Variants in VANGL1 observed in about 807,000 individuals in gnomAD.
VANGL1 encodes the protein VANGL planar cell polarity protein 1.
VANGL1 carries 18 observed loss-of-function variants against 48.4 expected under a neutral mutation model. That is an observed-to-expected ratio of 0.37 (90% CI 0.26 to 0.55). The LOEUF (loss-of-function observed/expected upper bound fraction) is 0.55. VANGL1 is among the 20% of genes least tolerant of loss of function. The pLI, the probability that VANGL1 is intolerant of heterozygous loss-of-function variation, is 0.81. For missense variants in VANGL1, 667 were observed against 675.8 expected, an observed-to-expected ratio of 0.99 and a Z score of 0.14; for synonymous variants, 257 against 261.8, an observed-to-expected ratio of 0.98 and a Z score of 0.18.
At chr1:115,678,436 C>G (rs1653249055) in intron 4 of VANGL1, among the ~76,000 whole-genome samples, 1 of 152,168 alleles carries the variant, frequency 6.6e-6, no homozygotes, top group African/African-American at 2.4e-5. Flanking sequence ...TGACTGATAG[C>G]AGTAGTGAGG....
intron 7 of VANGL1, among the ~76,000 whole-genome samples, chr1:115,686,370 C>CAA (rs10667490): frequency 0.41 from 42,739 of 104,584 alleles, 8,622 homozygotes; most frequent in Admixed American, 0.46. Flanking sequence ...AGACTCCGTC[C>CAA]AAAAAAAAAA....
chr1:115,658,728 T>A (rs963793179), intron 2 of VANGL1, among the ~76,000 whole-genome samples: 2 of 152,156 alleles, frequency 1.3e-5, no homozygotes, highest in African/African-American at 4.8e-5. Flanking sequence ...CTGGGTTTCC[T>A]GTTGGCAGCT....
intron 7 of VANGL1, among the ~76,000 whole-genome samples, chr1:115,689,044 A>G (rs1200817018): frequency 2.2e-5 from 3 of 136,060 alleles, no homozygotes; most frequent in East Asian, 2.1e-4. Flanking sequence ...GCCTGCTTCA[A>G]CCTCCCAAAG....
chr1:115,692,930 GCACACCCC>G lies in VANGL1; in HGVS notation c.*1553_*1560del, dbSNP rs1363263012. ...ATTGTCGAATGCTCTTTGTATGTGT[GCACACCCC>G]CTTACTCCCTTACTGCTTCATACAC... On this transcript the variant is annotated 3_prime_UTR_variant, in exon 8 of 8. Transcript: ENST00000355485. 11 of 152,222 alleles carry G rather than the reference GCACACCCC, an allele frequency of 7.2e-5. No individual in the cohort carries two copies. Among genetic ancestry groups the G allele is most frequent in the African/African-American group, 2.7e-4 (11 of 41,450 alleles). The allele number at this position is 152,222 out of a possible 1,614,324, so 9.4% of individuals were successfully genotyped here.
At chr1:115,690,711 C>T (rs1159356800) in intron 7 of VANGL1, among the ~76,000 whole-genome samples, 2 of 152,188 alleles carry the variant, frequency 1.3e-5, no homozygotes, top group Non-Finnish European at 2.9e-5. Context: ...CTCCTTTGGG[C>T]CCGACACAGC....
Position 115,691,935 on chromosome 1 carries a change from A to G in VANGL1, c.*556A>G, listed in dbSNP as rs1002455966. The G allele has an allele frequency of 6.5e-6, 1 of 153,930 alleles. No individual in the cohort carries two copies. The highest frequency in any genetic ancestry group is 2.4e-5 in the African/African-American group (1 of 41,472). 9.5% of individuals were successfully genotyped at this position (153,930 alleles called of 1,614,324 possible). A position where few individuals can be genotyped will look rare whatever the true frequency, so the allele number is the denominator to read the frequency against. On this transcript the variant is annotated 3_prime_UTR_variant, in exon 8 of 8. Transcript: ENST00000355485. ...CTTCAGAGAAAGATCACAACAAAAA[A>G]TGTACACTGTCGTTTACAGCTATTA...
At chr1:115,661,987 A>G (rs901649360) in intron 3 of VANGL1, among the ~76,000 whole-genome samples, 2 of 152,188 alleles carry the variant, frequency 1.3e-5, no homozygotes, top group African/African-American at 4.8e-5. Flanking sequence ...AGCTAAGTGT[A>G]TATTTAGATT....
At position 115,651,449 on chromosome 1, in the gene VANGL1, C is replaced by T. The variant is rs371629555; in HGVS notation, c.36C>T (p.Tyr12=). The change falls in exon 2 of 8, where the codon TAC becomes TAT. Residue 12 remains tyrosine (Y), a synonymous_variant. Coordinates refer to ENST00000355485, the MANE Select transcript of VANGL1 (RefSeq NM_138959.3). ...AATCCACTTATTCTGGATATTCTTACTATTCAAGTCATTCGAAAAAATCTC... is the reference window on the plus strand; with the variant it reads ...AATCCACTTATTCTGGATATTCTTATTATTCAAGTCATTCGAAAAAATCTC... ...DTESTYSGYS[Y]YSSHSKKSHR... is the part of the protein sequence containing the mutation. 6.2e-7 allele frequency: 1 copy of T among 1,614,118 alleles called. No homozygotes were observed. The highest frequency in any genetic ancestry group is 8.5e-7 in the Non-Finnish European group (1 of 1,180,018).
At chr1:115,686,995 A>G (rs2101033769) in intron 7 of VANGL1, among the ~76,000 whole-genome samples, 1 of 134,196 alleles carries the variant, frequency 7.5e-6, no homozygotes, top group South Asian at 2.6e-4. Context: ...CATGTGTAAC[A>G]TTTGGTAGCT....
At chr1:115,681,941 C>T (rs762515392) in intron 4 of VANGL1, among the ~76,000 whole-genome samples, 1 of 152,214 alleles carries the variant, frequency 6.6e-6, no homozygotes, top group Non-Finnish European at 1.5e-5. Flanking sequence ...ACCTGAGAAA[C>T]CTGAATCTAT....
At chr1:115,687,685 G>C (rs1174783478) in intron 7 of VANGL1, among the ~76,000 whole-genome samples, 1 of 119,082 alleles carries the variant, frequency 8.4e-6, no homozygotes, top group Non-Finnish European at 1.7e-5. Context: ...ACAGAAATTG[G>C]GTCATTGCTC....
chr1:115,660,111 TAAG>T (rs1031626125), intron 3 of VANGL1, among the ~76,000 whole-genome samples: 74 of 152,156 alleles, frequency 4.9e-4, no homozygotes, highest in African/African-American at 1.7e-3. Context: ...TCAGAAAACC[TAAG>T]AAGTTTAAAA....
At position 115,696,527 on chromosome 1, in the gene VANGL1, A is replaced by G. The variant is rs985115586; in HGVS notation, c.*5148A>G. On this transcript the variant is annotated 3_prime_UTR_variant, in exon 8 of 8. Coordinates refer to ENST00000355485, the MANE Select transcript of VANGL1 (RefSeq NM_138959.3). ...CTGCTGTTTGCTTTCAATGGAAGACAGTAAAGGGAAGATGGTGCTCACATC... is the reference window on the plus strand; with the variant it reads ...CTGCTGTTTGCTTTCAATGGAAGACGGTAAAGGGAAGATGGTGCTCACATC... 1 of 152,244 alleles carries G rather than the reference A, an allele frequency of 6.6e-6. No homozygotes were observed. The highest frequency in any genetic ancestry group is 2.4e-5 in the African/African-American group (1 of 41,466). 9.4% of individuals were successfully genotyped at this position (152,244 alleles called of 1,614,324 possible).
chr1:115,680,816 G>A (rs1223074899), intron 4 of VANGL1, among the ~76,000 whole-genome samples: 1 of 152,182 alleles, frequency 6.6e-6, no homozygotes, highest in Admixed American at 6.5e-5. Context: ...GCCACCTGGA[G>A]AGTGTTGGAA....
At chr1:115,673,480 C>T (rs1373877347) in intron 4 of VANGL1, among the ~76,000 whole-genome samples, 1 of 152,004 alleles carries the variant, frequency 6.6e-6, no homozygotes, top group Non-Finnish European at 1.5e-5. Context: ...TTCCTTGCCT[C>T]TTCCTAGTTT....
At position 115,685,526 on chromosome 1, in the gene VANGL1, A is replaced by G; in HGVS notation, c.1313A>G (p.Lys438Arg). 1 of 1,613,946 alleles carries G rather than the reference A, an allele frequency of 6.2e-7. No homozygotes were observed. The highest frequency in any genetic ancestry group is 8.5e-7 in the Non-Finnish European group (1 of 1,179,990). Residue 438 changes from lysine to arginine, a missense_variant and splice_region_variant, in exon 7 of 8, where the codon AAG becomes AGG. Lys to Arg is a conservative substitution (Grantham distance 26, BLOSUM62 2). Coordinates refer to ENST00000355485, the MANE Select transcript of VANGL1 (RefSeq NM_138959.3). ...TGCATCACCAACGGCATGACCCCCA[A>G]GGTGCGCTGCTCCGGGCGGGCTCTG... Reference protein sequence around the residue: ...AFCITNGMTPKAFLERYLSAG... With the variant: ...AFCITNGMTPRAFLERYLSAG...
chr1:115,685,172 G>A, intron 6 of VANGL1, 121 bp from the exon 7 acceptor site: 4 of 1,006,014 alleles, frequency 4.0e-6, no homozygotes, highest in Non-Finnish European at 6.2e-6. Flanking sequence ...GATGCAAGCA[G>A]CGTGATTGGG....
rs189447791 is a variant in VANGL1, at chr1:115,654,488, T to A, written c.71+3004T>A. On this transcript the variant is annotated intron_variant, in intron 2 of 7. Coordinates refer to ENST00000355485, the MANE Select transcript of VANGL1 (RefSeq NM_138959.3). The stretch of plus-strand genomic sequence containing the variant: ...GGGAAGCCTGGTATTGACAAGGGAA[T>A]TGGTAGGGCTAAAAAAAAAAAAAAA... Among the ~76,000 whole-genome samples, 231 of 126,864 alleles carry A rather than the reference T, an allele frequency of 1.8e-3. 1 individual carries two copies. The highest frequency in any genetic ancestry group is 1.3e-3 in the Non-Finnish European group (82 of 64,564). The allele number at this position is 126,864 out of a possible 152,430, so 83.2% of individuals were successfully genotyped here.
chr1:115,649,296 C>A (rs78854751), intron 1 of VANGL1, among the ~76,000 whole-genome samples: 1,546 of 152,274 alleles, frequency 0.01, 25 homozygotes, highest in African/African-American at 0.035. Flanking sequence ...TACCTCCCCC[C>A]ACAAACCCCC....
Sources: allele counts gnomAD v4.1 joint callset (sites outside exome capture counted in the v4.1 genomes callset), GRCh38; gene constraint gnomAD v4.1.1; transcripts MANE v1.5; gene names NCBI Gene and HGNC (gene_info 2026-07-23, HGNC 2026-07-21).